The following TRIO variants were observed in gnomAD, a reference collection of about 807,000 sequenced individuals.
TRIO encodes triple functional domain protein.
TRIO carries 58 observed loss-of-function variants against 351.9 expected under a neutral mutation model. The ratio of observed to expected loss-of-function variants is 0.16; its 90% confidence interval spans 0.13 to 0.21. The LOEUF is 0.21. Among genes scored for constraint, TRIO ranks in the 10% least tolerant of loss-of-function variants. The probability of loss-of-function intolerance (pLI) is 1.00; values close to 1 mark genes in which losing one functional copy is unlikely to be tolerated. For synonymous variants in TRIO, 1,758 were observed against 1,595.7 expected (o/e 1.10, Z -2.42); for missense variants, 3,201 against 4,027.8 (o/e 0.79, Z 5.56).
At chr5:14,146,302 T>C (rs1281177621) in intron 1 of TRIO, among the ~76,000 whole-genome samples, 2 of 152,058 alleles carry the variant, frequency 1.3e-5, no homozygotes, top group Non-Finnish European at 2.9e-5. Context: ...CATGGGAAAA[T>C]AGGTTCTCAT....
chr5:14,154,006 C>T (rs999048992), intron 1 of TRIO, among the ~76,000 whole-genome samples: 4 of 152,152 alleles, frequency 2.6e-5, no homozygotes, highest in African/African-American at 9.7e-5. Context: ...CCTCTTCTCA[C>T]CTAATTAATA....
chr5:14,439,461 C>G (rs182447887), intron 34 of TRIO, among the ~76,000 whole-genome samples: 148 of 152,254 alleles, frequency 9.7e-4, no homozygotes, highest in Non-Finnish European at 1.6e-3. Context: ...CCTGACAGCT[C>G]TTTTTTAGTT....
intron 41 of TRIO, among the ~76,000 whole-genome samples, chr5:14,478,903 G>A (rs542143208): frequency 3.3e-5 from 5 of 152,266 alleles, no homozygotes; most frequent in South Asian, 2.1e-4. Flanking sequence ...TAAGGCTTCC[G>A]TGAGCCATGA....
intron 15 of TRIO, 114 bp downstream of exon 15, chr5:14,364,930 C>T: frequency 7.6e-7 from 1 of 1,323,414 alleles, no homozygotes; most frequent in Non-Finnish European, 1.0e-6. Flanking sequence ...GCTCAGAACA[C>T]AGCTTTCCTG....
At chr5:14,491,855 G>A (rs1027534941) in intron 48 of TRIO, among the ~76,000 whole-genome samples, 4 of 152,192 alleles carry the variant, frequency 2.6e-5, no homozygotes, top group African/African-American at 9.6e-5. Flanking sequence ...GGGATGCTTT[G>A]TGATATGTTC....
intron 9 of TRIO, among the ~76,000 whole-genome samples, chr5:14,322,308 GC>G: frequency 6.6e-6 from 1 of 152,324 alleles, no homozygotes; most frequent in Non-Finnish European, 1.5e-5. Context: ...TGGGAGATCT[GC>G]CTGAAGGAAT....
chr5:14,308,183 C>T (rs188724504), intron 8 of TRIO, among the ~76,000 whole-genome samples: 10 of 152,270 alleles, frequency 6.6e-5, no homozygotes, highest in African/African-American at 1.9e-4. Flanking sequence ...CTTCTAGACC[C>T]TCTTAGCAGA....
At chr5:14,461,460 C>T (rs1032811545) in intron 35 of TRIO, 149 bp downstream of exon 35, 1 of 1,206,826 alleles carries the variant, frequency 8.3e-7, no homozygotes. Context: ...GCTTAGCAGA[C>T]TGAGATTTAG....
chr5:14,387,030 A>C (rs1746603343), intron 21 of TRIO, among the ~76,000 whole-genome samples: 1 of 152,248 alleles, frequency 6.6e-6, no homozygotes. Context: ...CTGTGGGTCC[A>C]GTTGGGCACA....
At chr5:14,244,247 C>A (rs917067430) in intron 1 of TRIO, among the ~76,000 whole-genome samples, 1 of 151,946 alleles carries the variant, frequency 6.6e-6, no homozygotes, top group South Asian at 2.1e-4. Context: ...TTGAAGTTGC[C>A]AGTTTCGGGA....
chr5:14,451,403 C>G (rs1164954402), intron 34 of TRIO, among the ~76,000 whole-genome samples: 1 of 152,020 alleles, frequency 6.6e-6, no homozygotes, highest in Non-Finnish European at 1.5e-5. Flanking sequence ...AGATGACAAT[C>G]ATTTACTCAG....
At chr5:14,429,537 T>C (rs1328642986) in intron 34 of TRIO, among the ~76,000 whole-genome samples, 1 of 152,172 alleles carries the variant, frequency 6.6e-6, no homozygotes, top group East Asian at 1.9e-4. Context: ...CCTGAACAAA[T>C]CTTATGGGAG....
intron 33 of TRIO, among the ~76,000 whole-genome samples, chr5:14,409,953 C>T (rs773678213): frequency 6.6e-5 from 10 of 152,090 alleles, no homozygotes; most frequent in Non-Finnish European, 1.5e-4. Flanking sequence ...TGCCACGCAG[C>T]AACACTCACC....
intron 21 of TRIO, 44 bp from the exon 22 acceptor site, chr5:14,387,394 T>G (rs986379256): frequency 1.3e-6 from 2 of 1,550,100 alleles, no homozygotes; most frequent in Non-Finnish European, 1.7e-6. Flanking sequence ...TTTCTGGCAG[T>G]CGGATTCATT....
At position 14,290,806 on chromosome 5, in the gene TRIO, G is replaced by A. The variant is rs538529734; in HGVS notation, c.631G>A (p.Glu211Lys). 44 of 1,614,080 alleles carry A rather than the reference G, an allele frequency of 2.7e-5. 1 individual carries two copies. Among genetic ancestry groups the A allele is most frequent in the South Asian group, 1.1e-4 (10 of 91,064 alleles). The change falls in exon 5 of 57, where the codon GAA becomes AAA. Residue 211 changes from glutamate to lysine, a missense_variant. This residue lies in a region of TRIO where 3 missense variants were observed against 20.3 expected (regional missense o/e 0.15). Coordinates refer to ENST00000344204, the MANE Select transcript of TRIO (RefSeq NM_007118.4). ...EFDGCLEYNH[E>K]EWIEIRVAFE... ...TGATGGCTGCCTGGAATACAACCAC[G>A]AAGAATGGATTGAAATCAGAGTTGC...
At chr5:14,410,345 A>G (rs1749094044) in intron 33 of TRIO, among the ~76,000 whole-genome samples, 1 of 152,176 alleles carries the variant, frequency 6.6e-6, no homozygotes, top group Admixed American at 6.5e-5. Flanking sequence ...TCTCCAGTAG[A>G]ACAGTTGAGG....
At chr5:14,242,796 C>G (rs976754830) in intron 1 of TRIO, among the ~76,000 whole-genome samples, 1 of 152,160 alleles carries the variant, frequency 6.6e-6, no homozygotes, top group Admixed American at 6.5e-5. Context: ...TCAGGCTATT[C>G]GGGCTTTTTG....
chr5:14,252,967 C>T (rs1794827543), intron 1 of TRIO, among the ~76,000 whole-genome samples: 1 of 151,170 alleles, frequency 6.6e-6, no homozygotes, highest in Non-Finnish European at 1.5e-5. Flanking sequence ...TATCATTTCG[C>T]CTCACTGGGG....
chr5:14,398,276 G>A (rs1376102272), intron 29 of TRIO, among the ~76,000 whole-genome samples: 4 of 152,226 alleles, frequency 2.6e-5, no homozygotes, highest in Non-Finnish European at 5.9e-5. Context: ...TCCATGAAGA[G>A]AGGAGCAGTA....
Sources: allele counts gnomAD v4.1 joint callset (sites outside exome capture counted in the v4.1 genomes callset), GRCh38; gene constraint gnomAD v4.1.1; regional missense constraint gnomAD v4.1.1; transcripts MANE v1.5; gene names NCBI Gene and HGNC (gene_info 2026-07-23, HGNC 2026-07-21).